B3GALT2: variants seen among roughly 807,000 people sequenced by gnomAD.
B3GALT2 encodes the protein beta-1,3-galactosyltransferase 2, also known as UDP-Gal:betaGlcNAc beta 1,3-galactosyltransferase, polypeptide 2.
Under a neutral mutation model 33.5 loss-of-function variants are expected in B3GALT2, and 13 were observed. The observed-to-expected ratio is 0.39, with a 90% confidence interval of 0.25 to 0.62. B3GALT2 has a LOEUF of 0.62. B3GALT2 is among the 20% of genes least tolerant of loss of function. The pLI is 0.53. For missense variants in B3GALT2, 418 were observed against 509.1 expected, an observed-to-expected ratio of 0.82 and a Z score of 1.72; for synonymous variants, 195 against 172.7, an observed-to-expected ratio of 1.13 and a Z score of -1.01.
Position 193,186,231 on chromosome 1 carries a change from A to G in B3GALT2, c.-333T>C, listed in dbSNP as rs1425670066. Reference sequence around the variant, plus strand: ...TTCATATGGGTCCTAGTCTTCTGAAATTTTCCCTTTCTTTCATTTTCTCTC... The same window carrying G: ...TTCATATGGGTCCTAGTCTTCTGAAGTTTTCCCTTTCTTTCATTTTCTCTC... On this transcript the variant is annotated 5_prime_UTR_variant, in exon 1 of 2. Transcript: ENST00000367434. The G allele has an allele frequency of 6.6e-6, 1 of 152,500 alleles. No homozygotes were observed. Among genetic ancestry groups the G allele is most frequent in the East Asian group, 1.9e-4 (1 of 5,150 alleles). 9.4% of individuals were successfully genotyped at this position (152,500 alleles called of 1,614,324 possible).
At chr1:193,184,136 T>G (rs1290405342) in intron 1 of B3GALT2, among the ~76,000 whole-genome samples, 1 of 151,890 alleles carries the variant, frequency 6.6e-6, no homozygotes, top group East Asian at 1.9e-4. Context: ...TAATTTAGAC[T>G]TCATGGTATT....
At chr1:193,185,387 C>T (rs1356569203) in intron 1 of B3GALT2, among the ~76,000 whole-genome samples, 1 of 151,940 alleles carries the variant, frequency 6.6e-6, no homozygotes, top group Non-Finnish European at 1.5e-5. Context: ...ACTCACACTA[C>T]CTTATGTGAT....
At chr1:193,183,223 C>G (rs1288588934) in intron 1 of B3GALT2, among the ~76,000 whole-genome samples, 1 of 151,508 alleles carries the variant, frequency 6.6e-6, no homozygotes. Context: ...GTAGCAGCCA[C>G]TAGGAGGAGC....
At chr1:193,181,949 A>G (rs1446690923) in intron 1 of B3GALT2, among the ~76,000 whole-genome samples, 2 of 152,132 alleles carry the variant, frequency 1.3e-5, no homozygotes, top group African/African-American at 4.8e-5. Flanking sequence ...TGTACTTTTG[A>G]CCCAAGTTAA....
intron 1 of B3GALT2, 65 bp from the exon 2 acceptor site, chr1:193,181,747 C>G: frequency 1.8e-6 from 1 of 551,510 alleles, no homozygotes; most frequent in Non-Finnish European, 3.1e-6. Flanking sequence ...CTAATATGAT[C>G]AGGGCAAATA....
chr1:193,180,713 G>A lies in B3GALT2; in HGVS notation c.850C>T (p.Arg284Ter). 6.2e-7 allele frequency: 1 copy of A among 1,613,994 alleles called. No homozygotes were observed. Among genetic ancestry groups the A allele is most frequent in the Non-Finnish European group, 8.5e-7 (1 of 1,179,936 alleles). The change falls in exon 2 of 2, where the codon CGA becomes TGA. Residue 284 changes from arginine to a stop codon, truncating the protein, a stop_gained. Transcript: ENST00000367434. LOFTEE classifies it high-confidence loss of function. ...RHNYFTGYLM[R>*]GYAPNRNKDS... ...TTGTTTCGATTGGGTGCATATCCTC[G>A]CATTAGGTAACCAGTGAAATAGTTA...
In B3GALT2 at chr1:193,180,696, A is replaced by G. The variant is rs1344010817; in HGVS notation, c.867T>C (p.Asn289=). ...TGTACCACTTGCTATCTTTGTTTCG[A>G]TTGGGTGCATATCCTCGCATTAGGT... is the stretch of plus-strand genomic sequence containing the variant. ...TGYLMRGYAP[N]RNKDSKWYMP... is the part of the protein sequence containing the mutation. Residue 289 remains asparagine, a synonymous_variant, in exon 2 of 2, where the codon AAT becomes AAC. Coordinates refer to ENST00000367434, the MANE Select transcript of B3GALT2 (RefSeq NM_003783.3). 1 of 1,614,076 alleles carries G rather than the reference A, an allele frequency of 6.2e-7. No homozygotes were observed. The highest frequency in any genetic ancestry group is 1.1e-5 in the South Asian group (1 of 91,076).
At chr1:193,185,058 A>G (rs945740716) in intron 1 of B3GALT2, among the ~76,000 whole-genome samples, 2 of 152,168 alleles carry the variant, frequency 1.3e-5, no homozygotes, top group Admixed American at 1.3e-4. Flanking sequence ...GCACACACAT[A>G]TAGTGGCGGT....
In B3GALT2 at chr1:193,180,870, T is replaced by C; in HGVS notation, c.693A>G (p.Thr231=). ...LDTYYNLTIK[T]LMGMNWVATY... ...TTGCAACCCAGTTCATGCCCATTAGTGTTTTAATGGTCAAATTATAGTACG... is the reference window on the plus strand; with the variant it reads ...TTGCAACCCAGTTCATGCCCATTAGCGTTTTAATGGTCAAATTATAGTACG... The change falls in exon 2 of 2, where the codon ACA becomes ACG. Residue 231 remains threonine (T), a synonymous_variant. Coordinates refer to ENST00000367434, the MANE Select transcript of B3GALT2 (RefSeq NM_003783.3). 4 of 1,613,420 alleles carry C rather than the reference T, an allele frequency of 2.5e-6. No homozygotes were observed. The highest frequency in any genetic ancestry group is 3.4e-6 in the Non-Finnish European group (4 of 1,179,418).
At position 193,180,209 on chromosome 1, in the gene B3GALT2, C is replaced by G; in HGVS notation, c.*85G>C. On this transcript the variant is annotated 3_prime_UTR_variant, in exon 2 of 2. Coordinates refer to ENST00000367434, the MANE Select transcript of B3GALT2 (RefSeq NM_003783.3). ...TTTATGTGATGAGTTTTAACTAAAA[C>G]TTGTCCTACGGATGTAATCAGTTCT... 1 of 1,220,616 alleles carries G rather than the reference C, an allele frequency of 8.2e-7. No individual in the cohort carries two copies. The highest frequency in any genetic ancestry group is 1.1e-6 in the Non-Finnish European group (1 of 909,000). 75.6% of individuals were successfully genotyped at this position (1,220,616 alleles called of 1,614,324 possible). A position where few individuals can be genotyped will look rare whatever the true frequency, so the allele number is the denominator to read the frequency against.
In B3GALT2 at chr1:193,181,079, C is replaced by G. The variant is rs1479715076; in HGVS notation, c.484G>C (p.Gly162Arg). The stretch of plus-strand genomic sequence containing the variant: ...ATAGCTCTTCTAGCTTCTATTTGTC[C>G]AGGCTCTGCAGCTATTAGTAGTATT... ...FLILLIAAEP[G>R]QIEARRAIRQ... The change falls in exon 2 of 2, where the codon GGA becomes CGA. Residue 162 changes from glycine to arginine, a missense_variant. Around this residue, in one of 3 missense-constraint regions of B3GALT2, gnomAD observed 188 missense variants for 197.5 expected, o/e 0.95. Transcript: ENST00000367434. 1 of 1,613,998 alleles carries G rather than the reference C, an allele frequency of 6.2e-7. No homozygotes were observed. The highest frequency in any genetic ancestry group is 8.5e-7 in the Non-Finnish European group (1 of 1,179,950).
At chr1:193,184,754 A>G (rs1465870041) in intron 1 of B3GALT2, among the ~76,000 whole-genome samples, 2 of 151,948 alleles carry the variant, frequency 1.3e-5, no homozygotes, top group East Asian at 1.9e-4. Flanking sequence ...TTTTAGTACT[A>G]TTTATTATTA....
rs1363472422 is a variant in B3GALT2, at chr1:193,180,323, C to T, written c.1240G>A (p.Gly414Ser). The change falls in exon 2 of 2, where the codon GGC becomes AGC. Residue 414 changes from glycine (G) to serine (S), a missense_variant. Transcript: ENST00000367434. ...TGTAGTTTACGGTGGCGATACCTGC[C>T]TGCCTTTTCTTTTGCTGCGTTGGCA... is the stretch of plus-strand genomic sequence containing the variant. ...ACANAAKEKA[G>S]RYRHRKLH 2.5e-6 allele frequency: 4 copies of T among 1,588,038 alleles called. No homozygotes were observed. Among genetic ancestry groups the T allele is most frequent in the Non-Finnish European group, 2.6e-6 (3 of 1,167,102 alleles).
chr1:193,179,487 T>C lies in B3GALT2; in HGVS notation c.*807A>G, dbSNP rs1188326613. 1 of 152,632 alleles carries C rather than the reference T, an allele frequency of 6.6e-6. No homozygotes were observed. The highest frequency in any genetic ancestry group is 2.4e-5 in the African/African-American group (1 of 41,452). 9.5% of individuals were successfully genotyped at this position (152,632 alleles called of 1,614,324 possible). On this transcript the variant is annotated 3_prime_UTR_variant, in exon 2 of 2. Coordinates refer to ENST00000367434, the MANE Select transcript of B3GALT2 (RefSeq NM_003783.3). Reference sequence around the variant, plus strand: ...CATGAAATTAAATGGTGGTGCTGTTTAAGAGTGCAGTAATTGGTCTAATCC... The same window carrying C: ...CATGAAATTAAATGGTGGTGCTGTTCAAGAGTGCAGTAATTGGTCTAATCC...
chr1:193,182,307 A>G (rs1303817114), intron 1 of B3GALT2, among the ~76,000 whole-genome samples: 2 of 152,170 alleles, frequency 1.3e-5, no homozygotes, highest in African/African-American at 4.8e-5. Flanking sequence ...TTTAGACAGT[A>G]ATAAATGATT....
At chr1:193,183,640 A>AT (rs1396584226) in intron 1 of B3GALT2, among the ~76,000 whole-genome samples, 3 of 151,570 alleles carry the variant, frequency 2.0e-5, no homozygotes, top group Admixed American at 6.6e-5. Flanking sequence ...TTAAGCTTTT[A>AT]TTTCCAAATG....
rs1381302783 is a variant in B3GALT2, at chr1:193,181,211, C to T, written c.352G>A (p.Ala118Thr). Residue 118 changes from alanine (A) to threonine (T), a missense_variant, in exon 2 of 2, where the codon GCC (alanine) becomes ACC (threonine). By Grantham distance (58) the Ala-to-Thr change is moderately conservative (BLOSUM62 0). Coordinates refer to ENST00000367434, the MANE Select transcript of B3GALT2 (RefSeq NM_003783.3). ...TTTTCATTGTAAATACTTCCATTGG[C>T]ACTAAGTGTATTCTCCAGGCCTGTA... ...GVTGLENTLS[A>T]NGSIYNEKGT... 4 of 1,613,866 alleles carry T rather than the reference C, an allele frequency of 2.5e-6. No homozygotes were observed. Among genetic ancestry groups the T allele is most frequent in the Non-Finnish European group, 3.4e-6 (4 of 1,179,954 alleles).
Position 193,180,956 on chromosome 1 carries a change from G to A in B3GALT2, c.607C>T (p.Arg203Cys), listed in dbSNP as rs1382754851. The A allele has an allele frequency of 2.2e-5, 36 of 1,613,248 alleles. No homozygotes were observed. Among genetic ancestry groups the A allele is most frequent in the Non-Finnish European group, 2.8e-5 (33 of 1,179,938 alleles). ...LSIKLNGYLQ[R>C]AILEESRQYH... ...TGTCTGCTTTCTTCCAGTATTGCAC[G>A]TTGAAGGTAGCCATTTAGCTTAATA... The change falls in exon 2 of 2, where the codon CGT becomes TGT. Residue 203 changes from arginine to cysteine, a missense_variant. Arg to Cys is a radical substitution (Grantham distance 180, BLOSUM62 -3). Coordinates refer to ENST00000367434, the MANE Select transcript of B3GALT2 (RefSeq NM_003783.3).
intron 1 of B3GALT2, among the ~76,000 whole-genome samples, 156 bp from the exon 2 acceptor site, chr1:193,181,838 A>G (rs1489967227): frequency 6.6e-6 from 1 of 152,168 alleles, no homozygotes; most frequent in East Asian, 1.9e-4. Flanking sequence ...CATCACTGAG[A>G]ACAAGATTAA....
Sources: gnomAD v4.1 joint callset for allele counts (sites outside exome capture counted in the v4.1 genomes callset) on GRCh38, gnomAD v4.1.1 for gene constraint, gnomAD v4.1.1 regional missense constraint, MANE v1.5 for transcripts, NCBI Gene and HGNC (gene_info 2026-07-23, HGNC 2026-07-21) for gene names.